Variants in SLC22A2 observed in about 807,000 individuals in gnomAD.
SLC22A2 encodes solute carrier family 22 member 2.
In SLC22A2, 46 loss-of-function variants were observed where a neutral mutation model predicts 60.5. That is an observed-to-expected ratio of 0.76 (90% CI 0.60 to 0.97). SLC22A2 has a LOEUF of 0.97. Among genes scored for constraint, SLC22A2 ranks in the 50% least tolerant of loss-of-function variants. The pLI is 0.00. For missense variants in SLC22A2, 701 were observed against 706.6 expected (o/e 0.99, Z 0.09); for synonymous variants, 303 against 267.0 (o/e 1.13, Z -1.31).
At chr6:160,228,706 A>C (rs1782767953) in intron 9 of SLC22A2, among the ~76,000 whole-genome samples, 1 of 152,176 alleles carries the variant, frequency 6.6e-6, no homozygotes, top group African/African-American at 2.4e-5. Flanking sequence ...CTGCACGTAT[A>C]TATCCAGATG....
intron 10 of SLC22A2, among the ~76,000 whole-genome samples, chr6:160,223,717 T>C: frequency 6.6e-6 from 1 of 152,174 alleles, no homozygotes; most frequent in East Asian, 1.9e-4. Flanking sequence ...ATGTTTATAA[T>C]TTTTATTTAA....
intron 2 of SLC22A2, among the ~76,000 whole-genome samples, chr6:160,253,892 A>AT (rs1344324978): frequency 6.6e-6 from 1 of 152,160 alleles, no homozygotes; most frequent in Non-Finnish European, 1.5e-5. Context: ...CAGTGGGTAT[A>AT]TTTACACCAG....
intron 9 of SLC22A2, among the ~76,000 whole-genome samples, chr6:160,240,851 A>C (rs1192360108): frequency 6.6e-6 from 1 of 152,190 alleles, no homozygotes; most frequent in African/African-American, 2.4e-5. Context: ...TTAACCAGAG[A>C]AGGCTCAGTG....
chr6:160,256,266 C>CCTGG (rs1783270448), intron 2 of SLC22A2, among the ~76,000 whole-genome samples: 1 of 151,850 alleles, frequency 6.6e-6, no homozygotes, highest in Non-Finnish European at 1.5e-5. Flanking sequence ...GGCTGATGGC[C>CCTGG]AGGTGGATGG....
At chr6:160,246,544 C>T (rs956809115) in intron 5 of SLC22A2, among the ~76,000 whole-genome samples, 2 of 151,958 alleles carry the variant, frequency 1.3e-5, no homozygotes, top group African/African-American at 2.4e-5. Context: ...GTCAGGAGTT[C>T]GAGATCAGCC....
intron 1 of SLC22A2, among the ~76,000 whole-genome samples, chr6:160,257,351 G>T (rs903314432): frequency 6.6e-6 from 1 of 152,160 alleles, no homozygotes; most frequent in East Asian, 1.9e-4. Context: ...GGAATAAGAG[G>T]AGGTGGTCGG....
chr6:160,246,334 C>T (rs1276565151), intron 5 of SLC22A2, among the ~76,000 whole-genome samples: 1 of 152,152 alleles, frequency 6.6e-6, no homozygotes, highest in Non-Finnish European at 1.5e-5. Flanking sequence ...CTCTTTTCTA[C>T]CCGCTGTGGA....
chr6:160,254,762 C>T (rs1783241715), intron 2 of SLC22A2, among the ~76,000 whole-genome samples: 1 of 152,104 alleles, frequency 6.6e-6, no homozygotes, highest in Non-Finnish European at 1.5e-5. Flanking sequence ...CTTACCTTGA[C>T]AGAGGGGATT....
intron 10 of SLC22A2, chr6:160,217,910 A>T (rs1195153298): frequency 6.4e-6 from 1 of 156,982 alleles, no homozygotes; most frequent in Non-Finnish European, 1.4e-5. Flanking sequence ...ACAGCTTGAT[A>T]AATGAAGACT....
At chr6:160,257,899 G>A (rs754471895) in intron 1 of SLC22A2, 42 of 157,380 alleles carry the variant, frequency 2.7e-4, no homozygotes, top group Non-Finnish European at 4.7e-4. Flanking sequence ...AGAAAAAATA[G>A]GTATCGAGAG....
rs624249 is a variant in SLC22A2, at chr6:160,258,368, C to A, written c.390G>T (p.Thr130=). The A allele has an allele frequency of 0.38, 604,957 of 1,611,554 alleles. 118,292 individuals carry two copies. The highest frequency in any genetic ancestry group is 0.41 in the Non-Finnish European group (477,448 of 1,178,866). ...CCTCGGTGACGATGGACGAGCCAGG[C>A]GTCTCGTACACCCAGCCGTCCCGGC... is the stretch of plus-strand genomic sequence containing the variant. ...GPCRDGWVYE[T]PGSSIVTEFN... is the part of the protein sequence containing the mutation. The change falls in exon 1 of 11, where the codon ACG becomes ACT. Residue 130 remains threonine (T), a synonymous_variant. Coordinates refer to ENST00000366953, the MANE Select transcript of SLC22A2 (RefSeq NM_003058.4).
intron 5 of SLC22A2, among the ~76,000 whole-genome samples, chr6:160,246,503 T>C (rs1024201008): frequency 6.6e-6 from 1 of 151,982 alleles, no homozygotes; most frequent in African/African-American, 2.4e-5. Context: ...TCCCAGCACT[T>C]TGGGAAGCCG....
rs978827189 is a variant in SLC22A2 at position 160,250,554 on chromosome 6, T to C, written c.667A>G (p.Ile223Val). 1 of 1,614,066 alleles carries C rather than the reference T, an allele frequency of 6.2e-7. No homozygotes were observed. The highest frequency in any genetic ancestry group is 8.5e-7 in the Non-Finnish European group (1 of 1,179,944). ...CAAGCACAAACATTCTTACTCAGGA[T>C]GTAGCCTATTAACCAGCCTGCTTTG... is the stretch of plus-strand genomic sequence containing the variant. ...VSKAGWLIGY[I>V]LITEFVGRRY... Residue 223 changes from isoleucine (I) to valine (V), a missense_variant, in exon 3 of 11, where the codon ATC (isoleucine) becomes GTC (valine). Physicochemically the swap from Ile to Val is conservative, Grantham distance 29. Coordinates refer to ENST00000366953, the MANE Select transcript of SLC22A2 (RefSeq NM_003058.4).
chr6:160,248,934 C>T (rs1348048575), intron 4 of SLC22A2, among the ~76,000 whole-genome samples: 1 of 152,212 alleles, frequency 6.6e-6, no homozygotes, highest in African/African-American at 2.4e-5. Flanking sequence ...AATTGTACCA[C>T]AGCTCCTAGA....
At chr6:160,232,771 G>T (rs1031781883) in intron 9 of SLC22A2, among the ~76,000 whole-genome samples, 1 of 151,786 alleles carries the variant, frequency 6.6e-6, no homozygotes, top group East Asian at 1.9e-4. Flanking sequence ...AGCTAAAAAA[G>T]CAGCTAGCAT....
intron 9 of SLC22A2, among the ~76,000 whole-genome samples, chr6:160,239,134 C>T (rs895128729): frequency 2.0e-5 from 3 of 152,176 alleles, no homozygotes; most frequent in Non-Finnish European, 2.9e-5. Flanking sequence ...TCATTATACA[C>T]TAATTATAAT....
rs563872924 is a variant in SLC22A2 at position 160,252,638 on chromosome 6, G to C, written c.519-1936C>G. The stretch of plus-strand genomic sequence containing the variant: ...GGCTTGGTAAGTCTTTTAGCTACTT[G>C]TGACTCAGAATGTGGCTGAGGACTA... On this transcript the variant is annotated intron_variant, in intron 2 of 10. Transcript: ENST00000366953. Among the ~76,000 whole-genome samples the C allele has an allele frequency of 2.0e-5, 3 of 152,282 alleles. No homozygotes were observed. The South Asian group carries it at 6.2e-4, about 32-fold the overall frequency.
chr6:160,238,826 G>GAC (rs1226731995), intron 9 of SLC22A2, among the ~76,000 whole-genome samples: 1 of 152,124 alleles, frequency 6.6e-6, no homozygotes, highest in African/African-American at 2.4e-5. Flanking sequence ...GTGTCAGGCA[G>GAC]GAACAAGGGT....
intron 9 of SLC22A2, among the ~76,000 whole-genome samples, chr6:160,237,944 C>T (rs1782936970): frequency 6.6e-6 from 1 of 152,220 alleles, no homozygotes; most frequent in Non-Finnish European, 1.5e-5. Flanking sequence ...TTACAAATGC[C>T]ATGGCAACAT....
Sources: gnomAD v4.1 joint callset for allele counts (sites outside exome capture counted in the v4.1 genomes callset) on GRCh38, gnomAD v4.1.1 for gene constraint, MANE v1.5 for transcripts, NCBI Gene and HGNC (gene_info 2026-07-23, HGNC 2026-07-21) for gene names.